The following PDE4B variants were observed in gnomAD, a reference collection of about 807,000 sequenced individuals.
PDE4B encodes the protein phosphodiesterase 4B, also known as 3',5'-cyclic-AMP phosphodiesterase 4B.
Under a neutral mutation model 82.2 loss-of-function variants are expected in PDE4B, and 20 were observed. The observed-to-expected ratio is 0.24, with a 90% CI of 0.17 to 0.35. The LOEUF is 0.35. Among genes scored for constraint, PDE4B ranks in the 10% least tolerant of loss-of-function variants. PDE4B has a pLI of 1.00. For missense variants in PDE4B, 655 were observed against 907.2 expected, an observed-to-expected ratio of 0.72 and a Z score of 3.57; for synonymous variants, 320 against 318.9, an observed-to-expected ratio of 1.00 and a Z score of -0.04.
chr1:66,300,395 G>A (rs1005068129), intron 7 of PDE4B, among the ~76,000 whole-genome samples: 1 of 152,126 alleles, frequency 6.6e-6, no homozygotes, highest in African/African-American at 2.4e-5. Flanking sequence ...TTAAGGTGGA[G>A]AGGAGAGTGT....
chr1:66,356,032 C>T (rs575549376), intron 9 of PDE4B, among the ~76,000 whole-genome samples: 1 of 152,130 alleles, frequency 6.6e-6, no homozygotes, highest in African/African-American at 2.4e-5. Context: ...CAAAAGGTTT[C>T]CTCTATGATG....
intron 3 of PDE4B, among the ~76,000 whole-genome samples, chr1:66,196,815 G>C (rs1324841926): frequency 7.5e-6 from 1 of 132,956 alleles, no homozygotes; most frequent in South Asian, 3.0e-4. Flanking sequence ...GTGGTGGGGT[G>C]GGGGGAGGGG....
chr1:66,228,749 A>G (rs1651683123), intron 3 of PDE4B, among the ~76,000 whole-genome samples: 1 of 152,022 alleles, frequency 6.6e-6, no homozygotes, highest in Admixed American at 6.6e-5. Context: ...AAAGATTCGG[A>G]ATCCTCTTAT....
At chr1:65,885,067 T>A (rs1646756823) in intron 1 of PDE4B, among the ~76,000 whole-genome samples, 1 of 152,108 alleles carries the variant, frequency 6.6e-6, no homozygotes, top group African/African-American at 2.4e-5. Flanking sequence ...AACAGACACT[T>A]CTCAAAAGAG....
At chr1:66,108,566 C>A (rs1469672468) in intron 3 of PDE4B, among the ~76,000 whole-genome samples, 1 of 151,802 alleles carries the variant, frequency 6.6e-6, no homozygotes, top group Non-Finnish European at 1.5e-5. Context: ...GGATAATATC[C>A]AAAATACATA....
intron 3 of PDE4B, among the ~76,000 whole-genome samples, chr1:66,160,736 T>C (rs1646595543): frequency 1.3e-5 from 2 of 152,260 alleles, no homozygotes; most frequent in Non-Finnish European, 2.9e-5. Context: ...TTGAAATCTA[T>C]GACCTCTGAA....
rs187936510 is a variant in PDE4B, at chr1:66,166,603, G to A, written c.282-80857G>A. 7.1e-4 allele frequency among the ~76,000 whole-genome samples: 108 copies of A among 151,966 alleles called. 1 individual carries two copies. The highest frequency in any genetic ancestry group is 2.1e-3 in the African/African-American group (85 of 41,452). Reference sequence around the variant, plus strand: ...AAAAAAGTTAGCCGGGCATGGTGGCGTGCACCTGTAATCTAAGCTACTCAG... The same window carrying A: ...AAAAAAGTTAGCCGGGCATGGTGGCATGCACCTGTAATCTAAGCTACTCAG... On this transcript the variant is annotated intron_variant, in intron 3 of 16. Coordinates refer to ENST00000341517, the MANE Select transcript of PDE4B (RefSeq NM_002600.4).
At chr1:65,994,116 A>G (rs991516607) in intron 3 of PDE4B, among the ~76,000 whole-genome samples, 8 of 152,170 alleles carry the variant, frequency 5.3e-5, no homozygotes, top group Non-Finnish European at 1.0e-4. Flanking sequence ...ATTCTAACAC[A>G]GTGATTTTGT....
chr1:66,303,925 CA>C (rs1570656952), intron 7 of PDE4B, among the ~76,000 whole-genome samples: 1 of 152,198 alleles, frequency 6.6e-6, no homozygotes, highest in East Asian at 1.9e-4. Flanking sequence ...TTATTTATAA[CA>C]GTAGTTTTCT....
chr1:66,100,255 G>C (rs1645196062), intron 3 of PDE4B, among the ~76,000 whole-genome samples: 1 of 152,060 alleles, frequency 6.6e-6, no homozygotes, highest in Admixed American at 6.6e-5. Flanking sequence ...GTTTCCTCAT[G>C]TTGGCCAGGC....
intron 3 of PDE4B, among the ~76,000 whole-genome samples, chr1:66,234,311 C>G (rs762103294): frequency 6.6e-6 from 1 of 152,064 alleles, no homozygotes; most frequent in East Asian, 1.9e-4. Context: ...ATTTTTGAGA[C>G]GGAGTCTTGC....
chr1:66,229,516 T>C (rs1266105921), intron 3 of PDE4B, among the ~76,000 whole-genome samples: 1 of 152,252 alleles, frequency 6.6e-6, no homozygotes, highest in Non-Finnish European at 1.5e-5. Flanking sequence ...TCAGAGCCTC[T>C]GTTACAAGGC....
intron 3 of PDE4B, among the ~76,000 whole-genome samples, chr1:66,103,558 TG>T (rs1446535545): frequency 1.3e-5 from 2 of 152,148 alleles, no homozygotes; most frequent in Non-Finnish European, 2.9e-5. Flanking sequence ...GAAGCAGCCT[TG>T]GCTTTTCTAG....
chr1:66,309,185 T>C (rs1279934637), intron 7 of PDE4B, among the ~76,000 whole-genome samples: 1 of 152,214 alleles, frequency 6.6e-6, no homozygotes, highest in Admixed American at 6.5e-5. Context: ...TTCAGTAGTA[T>C]GTTTCTGGGA....
chr1:66,365,393 C>T (rs1309858288), intron 12 of PDE4B, among the ~76,000 whole-genome samples: 2 of 152,128 alleles, frequency 1.3e-5, no homozygotes, highest in Non-Finnish European at 2.9e-5. Flanking sequence ...AAACATTAGA[C>T]GTTTACACAC....
At chr1:65,911,329 C>T (rs1647088338) in intron 1 of PDE4B, among the ~76,000 whole-genome samples, 1 of 152,178 alleles carries the variant, frequency 6.6e-6, no homozygotes, top group Non-Finnish European at 1.5e-5. Context: ...AAATTCAACT[C>T]ACTTAGAAAA....
intron 3 of PDE4B, among the ~76,000 whole-genome samples, chr1:66,129,685 AAAAC>A (rs1392226160): frequency 3.6e-4 from 25 of 69,430 alleles, no homozygotes; most frequent in African/African-American, 8.9e-4. Flanking sequence ...AAAAAACAAA[AAAAC>A]AAAAAAACAA....
At chr1:65,963,108 C>T (rs111420841) in intron 3 of PDE4B, among the ~76,000 whole-genome samples, 4,641 of 152,170 alleles carry the variant, frequency 0.03, 231 homozygotes, top group African/African-American at 0.11. Context: ...TCTCAAGATG[C>T]GACAAGTCAG....
chr1:65,824,840 A>G (rs1645996448), intron 1 of PDE4B, among the ~76,000 whole-genome samples: 1 of 152,138 alleles, frequency 6.6e-6, no homozygotes. Flanking sequence ...TGTGCAGGCA[A>G]TAAGGAGGTC....
Sources: gnomAD v4.1 joint callset for allele counts (sites outside exome capture counted in the v4.1 genomes callset) on GRCh38, gnomAD v4.1.1 for gene constraint, MANE v1.5 for transcripts, NCBI Gene and HGNC (gene_info 2026-07-23, HGNC 2026-07-21) for gene names.